Variants in TFDP2 observed in about 807,000 individuals in gnomAD.
The protein encoded by TFDP2 is transcription factor Dp-2.
Under a neutral mutation model 59.3 loss-of-function variants are expected in TFDP2, and 17 were observed. That is an observed-to-expected ratio of 0.29 (90% CI 0.20 to 0.43). The LOEUF (loss-of-function observed/expected upper bound fraction) is 0.43. TFDP2 is among the 20% of genes least tolerant of loss of function. The pLI is 1.00. For missense variants in TFDP2, 391 were observed against 528.8 expected, an observed-to-expected ratio of 0.74 and a Z score of 2.56; for synonymous variants, 180 against 194.7, an observed-to-expected ratio of 0.92 and a Z score of 0.63.
In TFDP2 at chr3:142,056,429, C is replaced by G. The variant is rs572982134; in HGVS notation, c.82+36632G>C. Among the ~76,000 whole-genome samples the G allele has an allele frequency of 1.4e-4, 21 of 151,868 alleles. No homozygotes were observed. The South Asian group carries it at 3.3e-3, about 24-fold the overall frequency. On this transcript the variant is annotated intron_variant, in intron 3 of 12. Transcript: ENST00000489671. ...CGGTAAATATAGAAGCGGGATAGCA[C>G]AGGGTATCACAGGTGCACAGAGAAG...
chr3:142,054,590 T>C (rs2059676220), intron 3 of TFDP2, among the ~76,000 whole-genome samples: 5 of 152,200 alleles, frequency 3.3e-5, no homozygotes. Context: ...CTCGTGTTTG[T>C]ATATCAATGC....
rs1320604280 is a variant in TFDP2, at chr3:141,952,102, A to G, written c.*411T>C. 1 of 154,554 alleles carries G rather than the reference A, an allele frequency of 6.5e-6. No homozygotes were observed. The highest frequency in any genetic ancestry group is 1.4e-5 in the Non-Finnish European group (1 of 69,546). 9.6% of individuals were successfully genotyped at this position (154,554 alleles called of 1,614,324 possible). A position where few individuals can be genotyped will look rare whatever the true frequency, so the allele number is the denominator to read the frequency against. On this transcript the variant is annotated 3_prime_UTR_variant, in exon 13 of 13. Coordinates refer to ENST00000489671, the MANE Select transcript of TFDP2 (RefSeq NM_001178139.2). ...TGCCTTGTCAAAGGCAGTCCAGGCA[A>G]GGAAGAGAAACGTCAGAAACACGAT... is the stretch of plus-strand genomic sequence containing the variant.
intron 2 of TFDP2, among the ~76,000 whole-genome samples, chr3:142,099,368 T>C (rs1266493194): frequency 2.0e-5 from 3 of 152,148 alleles, no homozygotes; most frequent in African/African-American, 4.8e-5. Flanking sequence ...ACTCACTATA[T>C]GATCACATGT....
In TFDP2 at chr3:142,091,680, G is replaced by T. The variant is rs148807177; in HGVS notation, c.82+1381C>A. Among the ~76,000 whole-genome samples, 29 of 152,260 alleles carry T rather than the reference G, an allele frequency of 1.9e-4. No homozygotes were observed. In the East Asian group the frequency reaches 4.2e-3, roughly 22 times the overall value. Reference sequence around the variant, plus strand: ...TTTTTTGGTACCAGGGACCAGTTTCGTGGAAGACAATTTTTCCATGGATGG... The same window carrying T: ...TTTTTTGGTACCAGGGACCAGTTTCTTGGAAGACAATTTTTCCATGGATGG... On this transcript the variant is annotated intron_variant, in intron 3 of 12. Transcript: ENST00000489671.
Position 141,948,303 on chromosome 3 carries a change from A to G in TFDP2, c.*4210T>C, listed in dbSNP as rs1935476618. ...ACACCTGTAATCCCAGCACTTCGGG[A>G]GGCTGAGGTGGGCAGATCACCTGAG... On this transcript the variant is annotated 3_prime_UTR_variant, in exon 13 of 13. Coordinates refer to ENST00000489671, the MANE Select transcript of TFDP2 (RefSeq NM_001178139.2). The G allele has an allele frequency of 6.6e-6, 1 of 152,134 alleles. No homozygotes were observed. 9.4% of individuals were successfully genotyped at this position (152,134 alleles called of 1,614,324 possible).
intron 3 of TFDP2, among the ~76,000 whole-genome samples, chr3:142,067,389 AC>A (rs992916340): frequency 8.6e-5 from 13 of 151,730 alleles, no homozygotes; most frequent in Admixed American, 5.9e-4. Context: ...AAAATGAAAT[AC>A]TTAGGTATAA....
chr3:142,105,395 CA>C (rs1375946543), intron 1 of TFDP2, among the ~76,000 whole-genome samples: 1 of 152,098 alleles, frequency 6.6e-6, no homozygotes, highest in African/African-American at 2.4e-5. Flanking sequence ...TAATTCTGGC[CA>C]ATGAAATATA....
intron 2 of TFDP2, chr3:142,093,857 T>C (rs1016242443): frequency 7.6e-6 from 3 of 392,704 alleles, no homozygotes; most frequent in African/African-American, 6.3e-5. Context: ...ATACCAGTAC[T>C]TAGCAATTCA....
intron 3 of TFDP2, among the ~76,000 whole-genome samples, chr3:142,009,855 C>T (rs551993980): frequency 6.6e-6 from 1 of 151,866 alleles, no homozygotes; most frequent in Non-Finnish European, 1.5e-5. Flanking sequence ...AAGAGACTAT[C>T]CATTTGGATA....
chr3:142,066,714 G>A (rs1396508092), intron 3 of TFDP2, among the ~76,000 whole-genome samples: 1 of 152,018 alleles, frequency 6.6e-6, no homozygotes, highest in Non-Finnish European at 1.5e-5. Flanking sequence ...TGACCCAGGG[G>A]ACCCCAGACT....
chr3:141,961,097 T>C (rs1178912873), intron 10 of TFDP2, among the ~76,000 whole-genome samples: 1 of 152,162 alleles, frequency 6.6e-6, no homozygotes, highest in Middle Eastern at 3.2e-3. Flanking sequence ...CTTTTTAGAC[T>C]TAAGAGACTA....
chr3:142,124,048 A>G (rs1261572793), intron 1 of TFDP2, among the ~76,000 whole-genome samples: 1 of 152,152 alleles, frequency 6.6e-6, no homozygotes, highest in Non-Finnish European at 1.5e-5. Flanking sequence ...ATAGAAAAAA[A>G]CAAGAAAAAA....
intron 1 of TFDP2, among the ~76,000 whole-genome samples, chr3:142,122,264 A>G (rs769284829): frequency 6.6e-6 from 1 of 152,194 alleles, no homozygotes; most frequent in Admixed American, 6.5e-5. Context: ...GTCCCACATA[A>G]CGATAAATTC....
chr3:141,961,234 G>GT (rs1937305219), intron 10 of TFDP2, among the ~76,000 whole-genome samples: 14 of 122,006 alleles, frequency 1.1e-4, no homozygotes, highest in East Asian at 4.8e-4. Flanking sequence ...TCAGTTTTTT[G>GT]TTGTTTTTTT....
chr3:142,061,184 T>A (rs112681915), intron 3 of TFDP2, among the ~76,000 whole-genome samples: 1 of 152,336 alleles, frequency 6.6e-6, no homozygotes, highest in African/African-American at 2.4e-5. Flanking sequence ...ATAATTAAGT[T>A]CCTTGAAATA....
At chr3:142,143,335 G>C (rs934392264) in intron 1 of TFDP2, among the ~76,000 whole-genome samples, 1 of 152,174 alleles carries the variant, frequency 6.6e-6, no homozygotes, top group Non-Finnish European at 1.5e-5. Context: ...CCAGGACATT[G>C]GTCTGGGCAA....
At chr3:142,050,537 C>G (rs1466654767) in intron 3 of TFDP2, among the ~76,000 whole-genome samples, 1 of 150,830 alleles carries the variant, frequency 6.6e-6, no homozygotes, top group Non-Finnish European at 1.5e-5. Flanking sequence ...CTACTAAAAA[C>G]ACAAAAAAAT....
At chr3:141,972,094 G>A (rs747870864) in intron 8 of TFDP2, among the ~76,000 whole-genome samples, 1 of 152,138 alleles carries the variant, frequency 6.6e-6, no homozygotes, top group Non-Finnish European at 1.5e-5. Flanking sequence ...TTCCATTCAT[G>A]GTTCCTCTAT....
At chr3:142,018,130 A>T (rs1023012708) in intron 3 of TFDP2, among the ~76,000 whole-genome samples, 4 of 151,736 alleles carry the variant, frequency 2.6e-5, no homozygotes, top group Admixed American at 2.0e-4. Flanking sequence ...TTCAGTAGAG[A>T]CAGGGGTCTC....
Sources: allele counts gnomAD v4.1 joint callset (sites outside exome capture counted in the v4.1 genomes callset), GRCh38; gene constraint gnomAD v4.1.1; transcripts MANE v1.5; gene names NCBI Gene and HGNC (gene_info 2026-07-23, HGNC 2026-07-21).